IHO1: variants seen among roughly 807,000 people sequenced by gnomAD.
IHO1 encodes the protein interactor of HORMAD1 1, also known as interactor of HORMAD1 protein 1.
IHO1 carries 13 observed loss-of-function variants against 31.0 expected under a neutral mutation model. The ratio of observed to expected loss-of-function variants is 0.42; its 90% confidence interval spans 0.27 to 0.67. The LOEUF (loss-of-function observed/expected upper bound fraction) is 0.67, where lower values mean the gene tolerates loss of function less well. IHO1 is among the 30% of genes least tolerant of loss of function. The pLI is 0.24. For missense variants in IHO1, 599 were observed against 687.5 expected, an observed-to-expected ratio of 0.87 and a Z score of 1.44; for synonymous variants, 221 against 248.4, an observed-to-expected ratio of 0.89 and a Z score of 1.04.
chr3:49,202,495 T>TTGTGTG lies in IHO1; in HGVS notation c.-16+2968_-16+2973dup, dbSNP rs113425200. ...TGCCTGACACCATGCCCGGCTAATTTTGTGTGTGTGTGTGTGTGTGTGTGT... is the reference window on the plus strand; with the variant it reads ...TGCCTGACACCATGCCCGGCTAATTTTGTGTGTGTGTGTGTGTGTGTGTGTGTGTGT... On this transcript the variant is annotated intron_variant, in intron 1 of 7. Coordinates refer to ENST00000452691, the MANE Select transcript of IHO1 (RefSeq NM_001135197.2). Among the ~76,000 whole-genome samples, 369 of 129,980 alleles carry TTGTGTG rather than the reference T, an allele frequency of 2.8e-3. 3 individuals are homozygous for TTGTGTG. Among genetic ancestry groups the TTGTGTG allele is most frequent in the Middle Eastern group, 7.7e-3 (2 of 260 alleles). The allele number at this position is 129,980 out of a possible 152,430, so 85.3% of individuals were successfully genotyped here.
chr3:49,250,376 G>C (rs1471423653), intron 6 of IHO1, among the ~76,000 whole-genome samples: 1 of 152,180 alleles, frequency 6.6e-6, no homozygotes, highest in Non-Finnish European at 1.5e-5. Context: ...CTATAAAAGA[G>C]AAGACGCCAA....
At chr3:49,206,912 G>A (rs1298912747) in intron 1 of IHO1, among the ~76,000 whole-genome samples, 1 of 151,928 alleles carries the variant, frequency 6.6e-6, no homozygotes, top group African/African-American at 2.4e-5. Context: ...GCTAGGTGTG[G>A]TGGCAGATGC....
At chr3:49,193,645 G>A (rs1162177701), upstream of IHO1, among the ~76,000 whole-genome samples, 36 of 94,840 alleles carry the variant, frequency 3.8e-4, 1 homozygote, top group Admixed American at 5.2e-3. Flanking sequence ...GCGACAAAGC[G>A]AGACTCTACC....
rs981733702 is a variant in IHO1 at position 49,257,527 on chromosome 3, G to C, written c.*245G>C. Reference sequence around the variant, plus strand: ...TGTGAAAATGGTGCTGATGAAAACTGAGGCAGCAGCCTGGTTGTGGGGCAT... The same window carrying C: ...TGTGAAAATGGTGCTGATGAAAACTCAGGCAGCAGCCTGGTTGTGGGGCAT... On this transcript the variant is annotated 3_prime_UTR_variant, in exon 8 of 8. Transcript: ENST00000452691. The C allele has an allele frequency of 6.7e-6, 3 of 447,692 alleles. No individual in the cohort carries two copies. The highest frequency in any genetic ancestry group is 5.9e-5 in the African/African-American group (3 of 50,504). The allele number at this position is 447,692 out of a possible 1,614,324, so 27.7% of individuals were successfully genotyped here.
intron 2 of IHO1, chr3:49,228,458 G>A (rs2046441479): frequency 2.8e-6 from 1 of 353,170 alleles, no homozygotes. Context: ...TGAATTCTAA[G>A]GAAAAATAGA....
At chr3:49,201,003 G>GT (rs10650561) in intron 1 of IHO1, among the ~76,000 whole-genome samples, 16 of 149,804 alleles carry the variant, frequency 1.1e-4, no homozygotes, top group African/African-American at 3.2e-4. Flanking sequence ...ACAGTTTTTT[G>GT]TTTTTTTTGA....
intron 3 of IHO1, among the ~76,000 whole-genome samples, 190 bp from the exon 4 acceptor site, chr3:49,241,030 TATATTA>T (rs2107725812): frequency 6.6e-6 from 1 of 152,376 alleles, no homozygotes; most frequent in Admixed American, 6.5e-5. Context: ...GGCAAAAATC[TATATTA>T]ATAAAAACAG....
intron 3 of IHO1, among the ~76,000 whole-genome samples, chr3:49,237,044 C>G (rs1400991070): frequency 6.6e-6 from 1 of 151,146 alleles, no homozygotes; most frequent in African/African-American, 2.4e-5. Flanking sequence ...GAGTGAGAAC[C>G]TGTCTCAAAA....
At chr3:49,200,391 G>A (rs1047293540) in intron 1 of IHO1, among the ~76,000 whole-genome samples, 2 of 151,208 alleles carry the variant, frequency 1.3e-5, no homozygotes, top group Middle Eastern at 3.2e-3. Flanking sequence ...CTAGAACCTG[G>A]GAGGCGGAGG....
intron 6 of IHO1, among the ~76,000 whole-genome samples, chr3:49,250,760 A>G (rs909561777): frequency 6.6e-6 from 1 of 152,152 alleles, no homozygotes; most frequent in African/African-American, 2.4e-5. Context: ...GGCCAGACAC[A>G]GCAGCTCACG....
chr3:49,223,199 G>T (rs1202820162), intron 2 of IHO1, among the ~76,000 whole-genome samples: 1 of 152,156 alleles, frequency 6.6e-6, no homozygotes, highest in Non-Finnish European at 1.5e-5. Flanking sequence ...ATTGTGAGGA[G>T]AATTTCAGAT....
chr3:49,218,120 A>G (rs1035788792), intron 2 of IHO1, among the ~76,000 whole-genome samples: 3 of 152,044 alleles, frequency 2.0e-5, no homozygotes, highest in African/African-American at 4.8e-5. Context: ...TGGCTGCTTG[A>G]GCTGGCTGCC....
chr3:49,257,196 T>C lies in IHO1; in HGVS notation c.1699T>C (p.Cys567Arg). ...CTGGTTCAGTGACCTCAATCTCGGA[T>C]GTTCAGAGACCCCTCTATGCAAGGA... ...MSWFSDLNLG[C>R]SETPLCKEAG... The change falls in exon 8 of 8, where the codon TGT becomes CGT. Residue 567 changes from cysteine to arginine, a missense_variant. Cys to Arg is a radical substitution (Grantham distance 180). Coordinates refer to ENST00000452691, the MANE Select transcript of IHO1 (RefSeq NM_001135197.2). 2 of 1,614,178 alleles carry C rather than the reference T, an allele frequency of 1.2e-6. No individual in the cohort carries two copies. The highest frequency in any genetic ancestry group is 1.7e-6 in the Non-Finnish European group (2 of 1,180,012).
chr3:49,202,495 T>G (rs1450590489), intron 1 of IHO1, among the ~76,000 whole-genome samples: 6 of 130,002 alleles, frequency 4.6e-5, no homozygotes, highest in African/African-American at 9.4e-5. Context: ...CCGGCTAATT[T>G]TGTGTGTGTG....
At chr3:49,205,390 C>T (rs1425546209) in intron 1 of IHO1, among the ~76,000 whole-genome samples, 2 of 150,640 alleles carry the variant, frequency 1.3e-5, no homozygotes, top group Non-Finnish European at 2.9e-5. Context: ...ACAATCTCTG[C>T]TCACTGCAAC....
At chr3:49,202,512 TG>T (rs2107678046) in intron 1 of IHO1, among the ~76,000 whole-genome samples, 1 of 25,958 alleles carries the variant, frequency 3.9e-5, no homozygotes, top group Non-Finnish European at 9.9e-5. Context: ...TGTGTGTGTG[TG>T]TGTGTGTGTG....
intron 6 of IHO1, 76 bp downstream of exon 6, chr3:49,244,809 G>A (rs1374769741): frequency 7.8e-7 from 1 of 1,279,218 alleles, no homozygotes; most frequent in African/African-American, 1.5e-5. Context: ...CCCCAGCCTG[G>A]TTTCCAGTGG....
intron 2 of IHO1, among the ~76,000 whole-genome samples, chr3:49,214,546 T>C (rs1295732897): frequency 3.7e-5 from 1 of 27,042 alleles, no homozygotes; most frequent in Non-Finnish European, 5.4e-5. Context: ...TTTTAATTTC[T>C]CAAAAAAAAA....
chr3:49,200,610 TCCCTTG>T, intron 1 of IHO1: 1 of 982,772 alleles, frequency 1.0e-6, no homozygotes, highest in Non-Finnish European at 1.2e-6. Context: ...CACGTGTTCC[TCCCTTG>T]TGTACCCACC....
Sources: allele counts gnomAD v4.1 joint callset (sites outside exome capture counted in the v4.1 genomes callset), GRCh38; gene constraint gnomAD v4.1.1; transcripts MANE v1.5; gene names NCBI Gene and HGNC (gene_info 2026-07-23, HGNC 2026-07-21).